PPA2: variants seen among roughly 807,000 people sequenced by gnomAD.
PPA2 encodes the protein inorganic pyrophosphatase 2, mitochondrial.
A neutral mutation model predicts 49.5 loss-of-function variants in PPA2; 48 were observed. That is an observed-to-expected ratio of 0.97 (90% CI 0.77 to 1.23). The LOEUF (loss-of-function observed/expected upper bound fraction) is 1.23. PPA2 is among the 50% of genes most tolerant of loss of function. PPA2 has a pLI of 0.00. For synonymous variants in PPA2, 131 were observed against 139.9 expected (o/e 0.94, Z 0.45); for missense variants, 429 against 410.1 (o/e 1.05, Z -0.40).
chr4:105,467,673 T>C (rs1578892723), intron 1 of PPA2, among the ~76,000 whole-genome samples: 1 of 46,576 alleles, frequency 2.1e-5, no homozygotes, highest in East Asian at 3.0e-4. Context: ...AAGATGATGG[T>C]GAAACAGAAA....
intron 9 of PPA2, among the ~76,000 whole-genome samples, chr4:105,394,156 C>T (rs1734036865): frequency 6.6e-6 from 1 of 151,908 alleles, no homozygotes; most frequent in South Asian, 2.1e-4. Context: ...CACTTGAGGC[C>T]AGGAATTCGA....
chr4:105,449,235 AAAAAAAAAAAAAAAAAAAAAAAAAAAAAT>A, intron 4 of PPA2, 86 bp downstream of exon 4: 1 of 31,676 alleles, frequency 3.2e-5, no homozygotes, highest in East Asian at 3.3e-4. Flanking sequence ...AAAAAAAAAA[AAAAAAAAAAAAAAAAAAAAAAAAAAAAAT>A]TTAAAATATT....
At chr4:105,378,271 TA>T (rs1733338751) in intron 10 of PPA2, among the ~76,000 whole-genome samples, 1 of 152,192 alleles carries the variant, frequency 6.6e-6, no homozygotes, top group African/African-American at 2.4e-5. Context: ...ACTGTGGTTT[TA>T]AATCTGCATT....
intron 7 of PPA2, among the ~76,000 whole-genome samples, chr4:105,422,705 G>C (rs1333045531): frequency 6.6e-6 from 1 of 152,208 alleles, no homozygotes; most frequent in Non-Finnish European, 1.5e-5. Context: ...AGGTGGGCAA[G>C]TCACTTACAT....
intron 6 of PPA2, among the ~76,000 whole-genome samples, chr4:105,425,137 A>G (rs958560392): frequency 6.6e-6 from 1 of 152,206 alleles, no homozygotes; most frequent in Non-Finnish European, 1.5e-5. Context: ...AAAAACAAAT[A>G]TTCTTTAAAG....
At chr4:105,468,220 G>A (rs28399933) in intron 1 of PPA2, among the ~76,000 whole-genome samples, 27 of 152,158 alleles carry the variant, frequency 1.8e-4, no homozygotes, top group African/African-American at 5.3e-4. Flanking sequence ...TTCCTTATCC[G>A]GCCCTTTACA....
chr4:105,412,653 C>G (rs1411509360), intron 7 of PPA2, among the ~76,000 whole-genome samples: 1 of 151,904 alleles, frequency 6.6e-6, no homozygotes, highest in Non-Finnish European at 1.5e-5. Flanking sequence ...AAAAACAACC[C>G]CATCAAAAAG....
At chr4:105,472,725 G>A (rs540421267) in intron 1 of PPA2, among the ~76,000 whole-genome samples, 3 of 152,218 alleles carry the variant, frequency 2.0e-5, no homozygotes, top group South Asian at 2.1e-4. Context: ...ATAATCACAC[G>A]ACTTTAGGCA....
At chr4:105,417,594 A>G (rs1723071378) in intron 7 of PPA2, among the ~76,000 whole-genome samples, 1 of 151,988 alleles carries the variant, frequency 6.6e-6, no homozygotes, top group Non-Finnish European at 1.5e-5. Context: ...AGGTTCAAAA[A>G]AGAGACAGCA....
intron 9 of PPA2, among the ~76,000 whole-genome samples, chr4:105,392,827 GAGA>G (rs1277873536): frequency 6.6e-6 from 1 of 152,128 alleles, no homozygotes; most frequent in Non-Finnish European, 1.5e-5. Flanking sequence ...TTATATTCTA[GAGA>G]AGAAGATAAA....
rs539465222 is a variant in PPA2, at chr4:105,422,591, A to G, written c.655+1605T>C. Among the ~76,000 whole-genome samples, 64 of 152,130 alleles carry G rather than the reference A, an allele frequency of 4.2e-4. 1 individual carries two copies. The South Asian group carries it at 0.012, about 30-fold the overall frequency. ...AATCAAGGATGAATTGCTTGGTATA[A>G]TATTATAGATGGGCTATATATTGCT... On this transcript the variant is annotated intron_variant, in intron 7 of 11. Transcript: ENST00000341695.
At chr4:105,436,861 T>A (rs1311086463) in intron 6 of PPA2, among the ~76,000 whole-genome samples, 1 of 152,060 alleles carries the variant, frequency 6.6e-6, no homozygotes, top group Non-Finnish European at 1.5e-5. Flanking sequence ...TCTGAAACTA[T>A]AAAAATTCCT....
At chr4:105,406,312 G>T (rs1369987949) in intron 7 of PPA2, among the ~76,000 whole-genome samples, 1 of 152,064 alleles carries the variant, frequency 6.6e-6, no homozygotes, top group Non-Finnish European at 1.5e-5. Context: ...GTTAGTGATT[G>T]TAAGACAATA....
rs545280874 is a variant in PPA2 at position 105,412,535 on chromosome 4, C to T, written c.655+11661G>A. Among the ~76,000 whole-genome samples the T allele has an allele frequency of 3.3e-5, 5 of 152,230 alleles. No individual in the cohort carries two copies. The South Asian group carries it at 6.2e-4, about 19-fold the overall frequency. On this transcript the variant is annotated intron_variant, in intron 7 of 11. Transcript: ENST00000341695. Reference sequence around the variant, plus strand: ...TCTGCACAGCAAAAGAAACTATTGTCGGAGTGAAGAGGCAACCTAGAGAAT... The same window carrying T: ...TCTGCACAGCAAAAGAAACTATTGTTGGAGTGAAGAGGCAACCTAGAGAAT...
In PPA2 at chr4:105,371,234, T is replaced by C. The variant is rs193138438; in HGVS notation, c.940-361A>G. Among the ~76,000 whole-genome samples, 795 of 152,310 alleles carry C rather than the reference T, an allele frequency of 5.2e-3. 10 individuals are homozygous for C. The highest frequency in any genetic ancestry group is 8.7e-3 in the Non-Finnish European group (593 of 68,026). On this transcript the variant is annotated intron_variant, in intron 10 of 11. Coordinates refer to ENST00000341695, the MANE Select transcript of PPA2 (RefSeq NM_176869.3). The stretch of plus-strand genomic sequence containing the variant: ...ACACACATATTTAAATATATGTTTG[T>C]TCATGCTTGCTATAAAACACACACT...
At chr4:105,425,203 A>G (rs1421761279) in intron 6 of PPA2, among the ~76,000 whole-genome samples, 1 of 152,250 alleles carries the variant, frequency 6.6e-6, no homozygotes, top group Non-Finnish European at 1.5e-5. Context: ...TCCTGTCAAT[A>G]TGCAAGAAAA....
At position 105,425,773 on chromosome 4, in the gene PPA2, T is replaced by C. The variant is rs183481229; in HGVS notation, c.529-1451A>G. On this transcript the variant is annotated intron_variant, in intron 6 of 11. Coordinates refer to ENST00000341695, the MANE Select transcript of PPA2 (RefSeq NM_176869.3). ...ACACACACACACACACCCATCAGAA[T>C]AAACAAACAAACAAAATCCAAAGTG... Among the ~76,000 whole-genome samples the C allele has an allele frequency of 3.1e-3, 413 of 134,182 alleles. 2 individuals carry two copies. The highest frequency in any genetic ancestry group is 7.7e-3 in the Admixed American group (105 of 13,640). 88.0% of individuals were successfully genotyped at this position (134,182 alleles called of 152,430 possible). A position where few individuals can be genotyped will look rare whatever the true frequency, so the allele number is the denominator to read the frequency against.
At chr4:105,411,094 G>A (rs1056497543) in intron 7 of PPA2, among the ~76,000 whole-genome samples, 7 of 152,102 alleles carry the variant, frequency 4.6e-5, no homozygotes, top group African/African-American at 1.2e-4. Flanking sequence ...TGGGTTAAAT[G>A]CCCCAATTAA....
At chr4:105,458,818 CAAAAAAAAAAA>C (rs57073135) in intron 1 of PPA2, among the ~76,000 whole-genome samples, 16 of 31,512 alleles carry the variant, frequency 5.1e-4, no homozygotes, top group South Asian at 1.4e-3. Flanking sequence ...ACTCCACCTC[CAAAAAAAAAAA>C]AAAAAAAAAA....
Sources: gnomAD v4.1 joint callset for allele counts (sites outside exome capture counted in the v4.1 genomes callset) on GRCh38, gnomAD v4.1.1 for gene constraint, MANE v1.5 for transcripts, NCBI Gene and HGNC (gene_info 2026-07-23, HGNC 2026-07-21) for gene names.